The following PDE7B variants were observed in gnomAD, a reference collection of about 807,000 sequenced individuals.
The protein encoded by PDE7B is 3',5'-cyclic-AMP phosphodiesterase 7B.
PDE7B carries 29 observed loss-of-function variants against 56.2 expected under a neutral mutation model. The observed-to-expected ratio is 0.52, with a 90% CI of 0.38 to 0.70. PDE7B has a LOEUF of 0.70. PDE7B is among the 30% of genes least tolerant of loss of function. PDE7B has a pLI of 0.00. For synonymous variants in PDE7B, 197 were observed against 196.9 expected (o/e 1.00, Z 0.00); for missense variants, 490 against 565.0 (o/e 0.87, Z 1.35).
In PDE7B at chr6:135,930,186, A is replaced by C. The variant is rs1774270893; in HGVS notation, c.22-17278A>C. On this transcript the variant is annotated intron_variant, in intron 1 of 12. Transcript: ENST00000308191. ...AGTCACCTCTTACATGGATGGCAGC[A>C]GGCAAAGAGAGAGCTTGTGTGGGGA... Among the ~76,000 whole-genome samples, 4 of 152,188 alleles carry C rather than the reference A, an allele frequency of 2.6e-5. No individual in the cohort carries two copies. The South Asian group carries it at 8.3e-4, about 32-fold the overall frequency.
intron 2 of PDE7B, among the ~76,000 whole-genome samples, chr6:136,076,958 C>T (rs949773185): frequency 6.6e-6 from 1 of 152,134 alleles, no homozygotes; most frequent in East Asian, 1.9e-4. Context: ...ATGTCTCTCT[C>T]GACCCCTGAC....
chr6:135,998,228 G>T (rs1304294462), intron 2 of PDE7B, among the ~76,000 whole-genome samples: 1 of 152,044 alleles, frequency 6.6e-6, no homozygotes, highest in East Asian at 1.9e-4. Flanking sequence ...TGAAAATAGA[G>T]GTTCACTATT....
intron 2 of PDE7B, among the ~76,000 whole-genome samples, chr6:136,022,606 T>C (rs1776090476): frequency 6.6e-6 from 1 of 152,240 alleles, no homozygotes; most frequent in Non-Finnish European, 1.5e-5. Flanking sequence ...AGCTCTACCA[T>C]TGATTTTTCT....
chr6:135,997,041 A>G (rs1013487651), intron 2 of PDE7B, among the ~76,000 whole-genome samples: 7 of 152,092 alleles, frequency 4.6e-5, no homozygotes, highest in African/African-American at 1.7e-4. Flanking sequence ...TGGAAGCTGG[A>G]GGCCATCATT....
chr6:136,054,076 A>T (rs949757747), intron 2 of PDE7B, among the ~76,000 whole-genome samples: 5 of 151,972 alleles, frequency 3.3e-5, no homozygotes, highest in Admixed American at 1.3e-4. Flanking sequence ...CCCATTTGTC[A>T]ATTTTGGCTT....
At chr6:136,131,396 C>G (rs189772441) in intron 3 of PDE7B, among the ~76,000 whole-genome samples, 2 of 151,600 alleles carry the variant, frequency 1.3e-5, no homozygotes, top group East Asian at 3.9e-4. Flanking sequence ...ATGACTCTAT[C>G]AACAGATGTC....
intron 9 of PDE7B, 137 bp downstream of exon 9, chr6:136,174,025 A>T (rs1288219621): frequency 3.1e-6 from 2 of 646,778 alleles, no homozygotes; most frequent in Non-Finnish European, 5.5e-6. Flanking sequence ...TGAGCTGTCT[A>T]TCAGAGGAGA....
chr6:135,945,654 T>C (rs564619950), intron 1 of PDE7B, among the ~76,000 whole-genome samples: 3 of 152,272 alleles, frequency 2.0e-5, no homozygotes, highest in Admixed American at 2.0e-4. Flanking sequence ...CTTTGTCTTA[T>C]ATAATGTATA....
In PDE7B at chr6:136,181,340, C is replaced by T. The variant is rs1779060991; in HGVS notation, c.1045+17C>T. 6.9e-7 allele frequency: 1 copy of T among 1,452,776 alleles called. No homozygotes were observed. Among genetic ancestry groups the T allele is most frequent in the South Asian group, 1.1e-5 (1 of 87,812 alleles). The allele number at this position is 1,452,776 out of a possible 1,614,324, so 90.0% of individuals were successfully genotyped here. On this transcript the variant is annotated intron_variant, in intron 11 of 12. Coordinates refer to ENST00000308191, the MANE Select transcript of PDE7B (RefSeq NM_018945.4). ...ACAGGCAAGGTTAGTAGTGATCCAA[C>T]AGCTGAGATTTCATTGCCCTGTCTT...
intron 1 of PDE7B, among the ~76,000 whole-genome samples, chr6:135,855,352 A>G (rs544179079): frequency 1.3e-5 from 2 of 152,344 alleles, no homozygotes; most frequent in African/African-American, 4.8e-5. Context: ...CTGGTTGAGT[A>G]TGAATATTTA....
At chr6:136,161,145 C>T (rs1041914701) in intron 8 of PDE7B, among the ~76,000 whole-genome samples, 16 of 152,172 alleles carry the variant, frequency 1.1e-4, no homozygotes, top group Non-Finnish European at 2.4e-4. Context: ...TCTAATTCCT[C>T]TCTTACTTGC....
intron 2 of PDE7B, among the ~76,000 whole-genome samples, chr6:136,014,563 G>T (rs1008314618): frequency 6.6e-6 from 1 of 152,108 alleles, no homozygotes; most frequent in Non-Finnish European, 1.5e-5. Context: ...AGAGCTAGAG[G>T]CTCCTGTAGT....
At chr6:136,058,029 G>A (rs922693967) in intron 2 of PDE7B, among the ~76,000 whole-genome samples, 2 of 152,184 alleles carry the variant, frequency 1.3e-5, no homozygotes, top group Non-Finnish European at 2.9e-5. Flanking sequence ...GAGGCACTGC[G>A]CCCGCCTCTG....
chr6:135,988,135 T>C (rs534276208), intron 2 of PDE7B, among the ~76,000 whole-genome samples: 28 of 152,276 alleles, frequency 1.8e-4, no homozygotes, highest in African/African-American at 6.3e-4. Context: ...ATCATAGAAC[T>C]AATTGAAGTT....
chr6:136,138,464 G>A (rs934242275), intron 3 of PDE7B, among the ~76,000 whole-genome samples: 1 of 151,752 alleles, frequency 6.6e-6, no homozygotes, highest in African/African-American at 2.4e-5. Context: ...AACACAAATT[G>A]CTCCCTAAAT....
intron 1 of PDE7B, among the ~76,000 whole-genome samples, chr6:135,872,133 T>TA (rs1366227799): frequency 6.6e-6 from 1 of 152,210 alleles, no homozygotes; most frequent in Non-Finnish European, 1.5e-5. Context: ...CCAGCCTTTT[T>TA]AAAGGCTTGG....
chr6:136,035,059 C>G (rs899207935), intron 2 of PDE7B: 2 of 152,200 alleles, frequency 1.3e-5, no homozygotes, highest in Non-Finnish European at 2.9e-5. Context: ...GAAAATCTAT[C>G]TTAAAATGTC....
At chr6:135,897,387 C>A (rs913315583) in intron 1 of PDE7B, among the ~76,000 whole-genome samples, 2 of 152,060 alleles carry the variant, frequency 1.3e-5, no homozygotes, top group Non-Finnish European at 2.9e-5. Context: ...CTTCTACTTT[C>A]ATTAGTGTGC....
chr6:135,982,074 G>T lies in PDE7B; in HGVS notation c.82+34550G>T, dbSNP rs534833739. Among the ~76,000 whole-genome samples, 9 of 152,038 alleles carry T rather than the reference G, an allele frequency of 5.9e-5. No homozygotes were observed. The South Asian group carries it at 1.5e-3, about 25-fold the overall frequency. ...CATGCAGTTTGTCATTGACCCACAC[G>T]GTCTTACACAGCACATGACTATACT... On this transcript the variant is annotated intron_variant, in intron 2 of 12. Transcript: ENST00000308191.
Sources: allele counts gnomAD v4.1 joint callset (sites outside exome capture counted in the v4.1 genomes callset), GRCh38; gene constraint gnomAD v4.1.1; transcripts MANE v1.5; gene names NCBI Gene and HGNC (gene_info 2026-07-23, HGNC 2026-07-21).